ZNF711: variants seen among roughly 807,000 people sequenced by gnomAD.
The protein encoded by ZNF711 is ZFX family zinc finger ZNF711, also known as zinc finger protein 711.
ZNF711 carries 3 observed loss-of-function variants against 43.5 expected under a neutral mutation model. That is an observed-to-expected ratio of 0.07 (90% CI 0.03 to 0.18). The LOEUF (loss-of-function observed/expected upper bound fraction) is 0.18, where lower values mean the gene tolerates loss of function less well. Among genes scored for constraint, ZNF711 ranks in the 10% least tolerant of loss-of-function variants. The probability of loss-of-function intolerance (pLI) is 1.00; values close to 1 mark genes in which losing one functional copy is unlikely to be tolerated. For missense variants in ZNF711, 412 were observed against 604.0 expected, an observed-to-expected ratio of 0.68 and a Z score of 3.33; for synonymous variants, 209 against 207.7, an observed-to-expected ratio of 1.01 and a Z score of -0.06.
In ZNF711 at chrX:85,265,225, A is replaced by G. The variant is rs758596146; in HGVS notation, c.886A>G (p.Lys296Glu). The G allele has an allele frequency of 8.3e-7, 1 of 1,206,536 alleles. No homozygotes were observed. Among genetic ancestry groups the G allele is most frequent in the African/African-American group, 1.8e-5 (1 of 56,697 alleles). Residue 296 changes from lysine (K) to glutamate (E), a missense_variant, in exon 7 of 11, where the codon AAA (lysine) becomes GAA (glutamate). Coordinates refer to ENST00000674551, the MANE Select transcript of ZNF711 (RefSeq NM_001330574.2). ...QREKMVYMAV[K>E]DSSQEEDDIS... ...GGAGAAGATGGTTTACATGGCAGTTAAAGATTCTTCTCAAGAAGAAGATGA... is the reference window on the plus strand; with the variant it reads ...GGAGAAGATGGTTTACATGGCAGTTGAAGATTCTTCTCAAGAAGAAGATGA...
At position 85,265,251 on chromosome X, in the gene ZNF711, T is replaced by C. The variant is rs752171176; in HGVS notation, c.912T>C (p.Asp304=). ...AAGATTCTTCTCAAGAAGAAGATGA[T>C]ATCAGTAAGAAAATAAGGGCACTGT... ...AVKDSSQEED[D]ISCAEIADEV... The change falls in exon 7 of 11, where the codon GAT becomes GAC. Residue 304 remains aspartate, a synonymous_variant. Coordinates refer to ENST00000674551, the MANE Select transcript of ZNF711 (RefSeq NM_001330574.2). The C allele has an allele frequency of 2.5e-6, 3 of 1,205,369 alleles. No individual in the cohort carries two copies. The East Asian group carries it at 8.9e-5, about 36-fold the overall frequency.
At chrX:85,266,590 T>C in intron 7 of ZNF711, among the ~76,000 whole-genome samples, 1 of 110,571 alleles carries the variant, frequency 9.0e-6, no homozygotes, top group Non-Finnish European at 1.9e-5. Context: ...TTCAAGACAA[T>C]TTTCTATTTA....
chrX:85,247,488 A>G, intron 3 of ZNF711, 59 bp from the exon 4 acceptor site: 2 of 872,211 alleles, frequency 2.3e-6, no homozygotes, highest in Non-Finnish European at 3.3e-6. Flanking sequence ...TTTTTTTCTC[A>G]AAACAACTAA....
intron 8 of ZNF711, among the ~76,000 whole-genome samples, chrX:85,267,719 G>T (rs749688782): frequency 9.0e-6 from 1 of 111,048 alleles, no homozygotes; most frequent in African/African-American, 3.3e-5. Context: ...TTTGAAAATC[G>T]ATCCTTCCTC....
At chrX:85,263,869 A>C (rs1380685463) in intron 5 of ZNF711, among the ~76,000 whole-genome samples, 3 of 110,687 alleles carry the variant, frequency 2.7e-5, no homozygotes, top group Non-Finnish European at 5.7e-5. Context: ...TTTTTCCATG[A>C]ACCTTGATGC....
At chrX:85,262,166 G>A (rs1043307672) in intron 5 of ZNF711, among the ~76,000 whole-genome samples, 1 of 110,710 alleles carries the variant, frequency 9.0e-6, no homozygotes, top group Admixed American at 9.7e-5. Flanking sequence ...TGAACCTTAA[G>A]AAAAGGTAGA....
At chrX:85,267,718 C>T (rs1203146153) in intron 8 of ZNF711, among the ~76,000 whole-genome samples, 1 of 111,312 alleles carries the variant, frequency 9.0e-6, no homozygotes, top group Non-Finnish European at 1.9e-5. Flanking sequence ...CTTTGAAAAT[C>T]GATCCTTCCT....
At position 85,271,820 on chromosome X, in the gene ZNF711, C is replaced by T. The variant is rs2147877828; in HGVS notation, c.2416C>T (p.Leu806Phe). The change falls in exon 11 of 11, where the codon CTT becomes TTT. Residue 806 changes from leucine (L) to phenylalanine (F), a missense_variant. Transcript: ENST00000674551. ...QHIMRHHKEA[L>F]M ...TATTATGAGGCACCACAAAGAGGCTCTTATGTAATAAGATCAATATAAAGA... is the reference window on the plus strand; with the variant it reads ...TATTATGAGGCACCACAAAGAGGCTTTTATGTAATAAGATCAATATAAAGA... 12 of 1,201,534 alleles carry T rather than the reference C, an allele frequency of 1.0e-5. No individual in the cohort carries two copies. The highest frequency in any genetic ancestry group is 1.4e-5 in the Non-Finnish European group (12 of 886,773).
At chrX:85,270,204 C>T (rs1445688114) in intron 10 of ZNF711, 58 bp downstream of exon 10, 15 of 1,130,128 alleles carry the variant, frequency 1.3e-5, no homozygotes, top group Non-Finnish European at 1.8e-5. Context: ...TATTTTTTGT[C>T]ACCAAAGAAA....
chrX:85,263,512 A>G (rs1930847455), intron 5 of ZNF711, among the ~76,000 whole-genome samples: 1 of 110,053 alleles, frequency 9.1e-6, no homozygotes, highest in African/African-American at 3.3e-5. Flanking sequence ...CTAAGATTTT[A>G]TTTCCATGAT....
intron 7 of ZNF711, among the ~76,000 whole-genome samples, chrX:85,266,918 T>TA (rs1414306869): frequency 9.2e-6 from 1 of 108,111 alleles, no homozygotes; most frequent in African/African-American, 3.4e-5. Context: ...GACCACTTTC[T>TA]AGTATTATTT....
intron 9 of ZNF711, among the ~76,000 whole-genome samples, 177 bp downstream of exon 9, chrX:85,268,518 A>T (rs977316103): frequency 1.8e-5 from 2 of 110,625 alleles, no homozygotes; most frequent in Non-Finnish European, 1.9e-5. Context: ...ATGTGTGGAC[A>T]TAATGTGTGT....
intron 5 of ZNF711, among the ~76,000 whole-genome samples, chrX:85,263,946 T>C (rs376634040): frequency 5.6e-4 from 62 of 110,746 alleles, no homozygotes; most frequent in African/African-American, 1.7e-3. Context: ...GTTTATTACA[T>C]GGATGTAATA....
At chrX:85,262,348 A>C (rs897821073) in intron 5 of ZNF711, among the ~76,000 whole-genome samples, 1 of 110,962 alleles carries the variant, frequency 9.0e-6, no homozygotes, top group Non-Finnish European at 1.9e-5. Context: ...GCTTTAAACT[A>C]TTCATGTATA....
At chrX:85,251,154 A>G (rs1193640427) in intron 4 of ZNF711, among the ~76,000 whole-genome samples, 1 of 111,790 alleles carries the variant, frequency 8.9e-6, no homozygotes, top group Admixed American at 9.5e-5. Context: ...AGAGTTTAAC[A>G]TACACAGAGC....
chrX:85,255,630 G>A lies in ZNF711; in HGVS notation c.451G>A (p.Gly151Arg). ...ACATGTGGTCCAAGATTGTGTTTCA[G>A]GAGTCGACTCTCCCACAATGGTATC... is the stretch of plus-strand genomic sequence containing the variant. ...LEHVVQDCVS[G>R]VDSPTMVSEE... Residue 151 changes from glycine (G) to arginine (R), a missense_variant, in exon 5 of 11, where the codon GGA (glycine) becomes AGA (arginine). This residue lies in a region of ZNF711 where 375 missense variants were observed against 514.2 expected (regional missense o/e 0.73). Coordinates refer to ENST00000674551, the MANE Select transcript of ZNF711 (RefSeq NM_001330574.2). 1 of 1,211,461 alleles carries A rather than the reference G, an allele frequency of 8.3e-7. No individual in the cohort carries two copies. The highest frequency in any genetic ancestry group is 1.1e-6 in the Non-Finnish European group (1 of 895,473).
intron 9 of ZNF711, 43 bp from the exon 10 acceptor site, chrX:85,269,960 A>G (rs1422552642): frequency 8.3e-7 from 1 of 1,197,652 alleles, no homozygotes. Flanking sequence ...CCAAAAAAGT[A>G]TAAATGTATG....
chrX:85,252,412 C>A (rs140472175), intron 4 of ZNF711, among the ~76,000 whole-genome samples: 15 of 111,542 alleles, frequency 1.3e-4, no homozygotes, highest in Non-Finnish European at 2.5e-4. Context: ...ACCCTTCTTT[C>A]CTTCCCTATG....
At chrX:85,249,527 A>G (rs1453318277) in intron 4 of ZNF711, among the ~76,000 whole-genome samples, 3 of 111,409 alleles carry the variant, frequency 2.7e-5, no homozygotes, top group Non-Finnish European at 5.7e-5. Flanking sequence ...GGTGCTGGTG[A>G]ATATTTACAT....
Sources: gnomAD v4.1 joint callset for allele counts (sites outside exome capture counted in the v4.1 genomes callset) on GRCh38, gnomAD v4.1.1 for gene constraint, gnomAD v4.1.1 regional missense constraint, MANE v1.5 for transcripts, NCBI Gene and HGNC (gene_info 2026-07-23, HGNC 2026-07-21) for gene names.